PCSK2: variants seen among roughly 807,000 people sequenced by gnomAD.
PCSK2 encodes proprotein convertase subtilisin/kexin type 2, also known as neuroendocrine convertase 2.
In PCSK2, 14 loss-of-function variants were observed where a neutral mutation model predicts 69.7. The ratio of observed to expected loss-of-function variants is 0.20; its 90% CI spans 0.13 to 0.31. The LOEUF is 0.31. Among genes scored for constraint, PCSK2 ranks in the 10% least tolerant of loss-of-function variants. The probability of loss-of-function intolerance (pLI) is 1.00; values close to 1 mark genes in which losing one functional copy is unlikely to be tolerated. For missense variants in PCSK2, 544 were observed against 842.5 expected, an observed-to-expected ratio of 0.65 and a Z score of 4.39; for synonymous variants, 307 against 320.7, an observed-to-expected ratio of 0.96 and a Z score of 0.46.
intron 11 of PCSK2, among the ~76,000 whole-genome samples, chr20:17,466,404 T>C (rs942104187): frequency 2.6e-5 from 4 of 152,238 alleles, no homozygotes; most frequent in Non-Finnish European, 5.9e-5. Flanking sequence ...AGTGTATGAC[T>C]ATAACACAAT....
intron 8 of PCSK2, among the ~76,000 whole-genome samples, chr20:17,437,283 G>A (rs945550341): frequency 1.3e-5 from 2 of 152,216 alleles, no homozygotes; most frequent in Non-Finnish European, 2.9e-5. Flanking sequence ...CACACAGGGC[G>A]GTAGATCCAG....
intron 5 of PCSK2, among the ~76,000 whole-genome samples, chr20:17,384,325 C>G (rs1174357315): frequency 6.6e-6 from 1 of 151,496 alleles, no homozygotes; most frequent in Admixed American, 6.6e-5. Context: ...TGGTGGCTCA[C>G]ACCTGTAATC....
intron 2 of PCSK2, among the ~76,000 whole-genome samples, chr20:17,268,672 G>A (rs942093424): frequency 5.3e-5 from 8 of 152,196 alleles, no homozygotes; most frequent in South Asian, 4.1e-4. Context: ...GATCATGGGC[G>A]ACATGATAAG....
intron 2 of PCSK2, among the ~76,000 whole-genome samples, chr20:17,356,285 A>AT (rs527797281): frequency 2.0e-5 from 3 of 151,076 alleles, no homozygotes; most frequent in Non-Finnish European, 4.4e-5. Flanking sequence ...CTTTGGGGAG[A>AT]TTTTTTTTTA....
chr20:17,400,147 A>G (rs2031602028), intron 5 of PCSK2, among the ~76,000 whole-genome samples: 1 of 152,238 alleles, frequency 6.6e-6, no homozygotes, highest in Admixed American at 6.5e-5. Flanking sequence ...GGGAGGTTAA[A>G]TTATTAGCTA....
chr20:17,436,183 A>G (rs952855208), intron 7 of PCSK2, among the ~76,000 whole-genome samples: 12 of 152,146 alleles, frequency 7.9e-5, no homozygotes, highest in Non-Finnish European at 1.6e-4. Flanking sequence ...CCTCTCAGCT[A>G]CAGTGCAAAT....
At chr20:17,445,864 C>T (rs187946586) in intron 8 of PCSK2, among the ~76,000 whole-genome samples, 29 of 152,354 alleles carry the variant, frequency 1.9e-4, no homozygotes, top group Admixed American at 1.3e-3. Context: ...TACCGTCCTT[C>T]CTTTCATTTC....
At chr20:17,314,712 T>C (rs1222196084) in intron 2 of PCSK2, among the ~76,000 whole-genome samples, 3 of 152,180 alleles carry the variant, frequency 2.0e-5, no homozygotes, top group Non-Finnish European at 4.4e-5. Context: ...GTAGGGAATA[T>C]TGATTTACTT....
intron 1 of PCSK2, among the ~76,000 whole-genome samples, chr20:17,255,954 C>G (rs536611698): frequency 1.4e-4 from 21 of 152,194 alleles, no homozygotes; most frequent in African/African-American, 4.8e-4. Flanking sequence ...TTCTTCATGT[C>G]AGGGTGACAC....
intron 5 of PCSK2, among the ~76,000 whole-genome samples, chr20:17,405,188 A>C (rs1056335736): frequency 6.6e-6 from 1 of 152,196 alleles, no homozygotes; most frequent in Admixed American, 6.5e-5. Context: ...GTTTCTAAAA[A>C]ATAGGAAAAT....
Position 17,409,324 on chromosome 20 carries a change from A to G in PCSK2, c.605A>G (p.Asp202Gly), listed in dbSNP as rs766527694. Residue 202 changes from aspartate (D) to glycine (G), a missense_variant, in exon 6 of 12, where the codon GAT (aspartate) becomes GGT (glycine). Transcript: ENST00000262545. ...NDPYPYPRYT[D>G]DWFNSHGTRC... ...CCCTATCCTTACCCTCGGTACACAG[A>G]TGACTGGTTTAACAGGTAAACTGGG... 2.6e-5 allele frequency: 42 copies of G among 1,613,110 alleles called. 1 individual carries two copies. In the South Asian group the frequency reaches 4.4e-4, roughly 17 times the overall value.
In PCSK2 at chr20:17,260,288, A is replaced by C; in HGVS notation, c.226A>C (p.Lys76Gln). The C allele has an allele frequency of 1.9e-6, 3 of 1,613,966 alleles. No homozygotes were observed. The highest frequency in any genetic ancestry group is 1.7e-6 in the Non-Finnish European group (2 of 1,179,870). Residue 76 changes from lysine to glutamine, a missense_variant, in exon 2 of 12, where the codon AAG becomes CAG. Transcript: ENST00000262545. The stretch of plus-strand genomic sequence containing the variant: ...CCACTTTTATCACAATGGCCTTGCA[A>C]AGGCCAAGAGAAGACGCAGCCTACA... Reference protein sequence around the residue: ...LYHFYHNGLAKAKRRRSLHHK... With the variant: ...LYHFYHNGLAQAKRRRSLHHK...
At chr20:17,304,681 A>G (rs1989271134) in intron 2 of PCSK2, among the ~76,000 whole-genome samples, 1 of 152,020 alleles carries the variant, frequency 6.6e-6, no homozygotes, top group Non-Finnish European at 1.5e-5. Flanking sequence ...TTTTGAAGTC[A>G]CTCCTTCTGA....
intron 2 of PCSK2, among the ~76,000 whole-genome samples, chr20:17,303,517 ATATAATATATATTATAT>A (rs1254189277): frequency 8.2e-5 from 3 of 36,768 alleles, no homozygotes; most frequent in African/African-American, 2.9e-4. Context: ...ATTATATATA[ATATAATATATATTATAT>A]TATATATAAT....
intron 2 of PCSK2, among the ~76,000 whole-genome samples, chr20:17,312,595 G>A (rs1008771331): frequency 3.3e-5 from 5 of 152,132 alleles, no homozygotes; most frequent in Admixed American, 2.0e-4. Flanking sequence ...CCCCAGTTAG[G>A]AAATTTCCCA....
At chr20:17,424,122 G>A (rs565612593) in intron 6 of PCSK2, among the ~76,000 whole-genome samples, 4 of 152,008 alleles carry the variant, frequency 2.6e-5, no homozygotes, top group Admixed American at 6.5e-5. Flanking sequence ...ATTTGTAATA[G>A]CAAGCAAATT....
At chr20:17,419,733 C>T (rs995157224) in intron 6 of PCSK2, among the ~76,000 whole-genome samples, 2 of 152,182 alleles carry the variant, frequency 1.3e-5, no homozygotes, top group Non-Finnish European at 2.9e-5. Context: ...TGCAGCCCTG[C>T]TCATTTTAGG....
rs568674468 is a variant in PCSK2, at chr20:17,358,140, A to G, written c.283-187A>G. On this transcript the variant is annotated intron_variant, in intron 2 of 11. Coordinates refer to ENST00000262545, the MANE Select transcript of PCSK2 (RefSeq NM_002594.5). ...GGGAAACATAGCGAGACCCCCCCTAATCTCTACAAAAAAATACAAAATAAT... is the reference window on the plus strand; with the variant it reads ...GGGAAACATAGCGAGACCCCCCCTAGTCTCTACAAAAAAATACAAAATAAT... Among the ~76,000 whole-genome samples the G allele has an allele frequency of 4.4e-3, 659 of 150,172 alleles. 10 individuals are homozygous for G. The highest frequency in any genetic ancestry group is 0.015 in the African/African-American group (619 of 40,946).
intron 6 of PCSK2, among the ~76,000 whole-genome samples, chr20:17,413,374 G>T (rs1170414058): frequency 3.9e-5 from 6 of 152,024 alleles, no homozygotes; most frequent in Non-Finnish European, 8.8e-5. Context: ...AAACACAAGG[G>T]TTGCAATTCT....
Sources: allele counts gnomAD v4.1 joint callset (sites outside exome capture counted in the v4.1 genomes callset), GRCh38; gene constraint gnomAD v4.1.1; transcripts MANE v1.5; gene names NCBI Gene and HGNC (gene_info 2026-07-23, HGNC 2026-07-21).